The following HEMK2 variants were observed in gnomAD, a reference collection of about 807,000 sequenced individuals.
HEMK2 encodes methyltransferase HEMK2.
At chr21:28,771,439 C>A in the HEMK2 span, among the ~76,000 whole-genome samples, 1 of 151,150 alleles carries the variant, frequency 6.6e-6, no homozygotes. Context: ...TTGGTTGTCA[C>A]AACTGGGGAC....
the HEMK2 span, among the ~76,000 whole-genome samples, chr21:28,731,854 G>C: frequency 3.3e-5 from 5 of 151,842 alleles, no homozygotes; most frequent in African/African-American, 1.2e-4. Flanking sequence ...CCTGCAAGCT[G>C]TCTGGGAACT....
At chr21:28,665,567 A>C in the HEMK2 span, among the ~76,000 whole-genome samples, 1 of 151,830 alleles carries the variant, frequency 6.6e-6, no homozygotes, top group East Asian at 1.9e-4. Context: ...CATGGCAATC[A>C]TTAAAAAGTC....
chr21:28,661,636 T>G, the HEMK2 span, among the ~76,000 whole-genome samples: 1 of 152,156 alleles, frequency 6.6e-6, no homozygotes, highest in South Asian at 2.1e-4. Flanking sequence ...TTCCTGGTTC[T>G]AATGAAGTTC....
At chr21:28,662,960 C>T in the HEMK2 span, among the ~76,000 whole-genome samples, 1 of 152,112 alleles carries the variant, frequency 6.6e-6, no homozygotes, top group African/African-American at 2.4e-5. Context: ...TTAACTGCTC[C>T]CTAAGAGAAA....
At chr21:28,867,536 C>T in the HEMK2 span, among the ~76,000 whole-genome samples, 1 of 152,214 alleles carries the variant, frequency 6.6e-6, no homozygotes, top group Non-Finnish European at 1.5e-5. Flanking sequence ...CCACTTGCAA[C>T]CCAAATTAGT....
the HEMK2 span, among the ~76,000 whole-genome samples, chr21:28,805,226 A>G: frequency 3.0e-4 from 46 of 152,326 alleles, no homozygotes; most frequent in East Asian, 7.3e-3. Flanking sequence ...AAATCCCAGT[A>G]AAACTCCATT....
the HEMK2 span, among the ~76,000 whole-genome samples, chr21:28,704,922 A>C: frequency 3.9e-5 from 6 of 152,194 alleles, no homozygotes; most frequent in Non-Finnish European, 8.8e-5. Flanking sequence ...TGGCTTGGCA[A>C]ACTGCCTCAC....
chr21:28,829,222 A>G, the HEMK2 span, among the ~76,000 whole-genome samples: 2 of 152,246 alleles, frequency 1.3e-5, no homozygotes, highest in African/African-American at 4.8e-5. Context: ...GCACTTAGTC[A>G]TCTACCATTA....
the HEMK2 span, among the ~76,000 whole-genome samples, chr21:28,775,745 G>T: frequency 1.9e-3 from 297 of 152,316 alleles, 4 homozygotes; most frequent in African/African-American, 7.0e-3. Flanking sequence ...AGTTGTTTCA[G>T]TGGAGTGATG....
the HEMK2 span, among the ~76,000 whole-genome samples, chr21:28,847,742 T>C: frequency 1.3e-5 from 2 of 152,250 alleles, no homozygotes; most frequent in Non-Finnish European, 2.9e-5. Flanking sequence ...CTAGGATTTT[T>C]ATAGTTTTAG....
chr21:28,676,706 G>A, the HEMK2 span, among the ~76,000 whole-genome samples: 12 of 152,120 alleles, frequency 7.9e-5, no homozygotes, highest in Non-Finnish European at 1.6e-4. Context: ...GAGGCAGGAA[G>A]CACACTAGCG....
the HEMK2 span, among the ~76,000 whole-genome samples, chr21:28,668,956 T>C: frequency 6.6e-6 from 1 of 152,230 alleles, no homozygotes; most frequent in Admixed American, 6.5e-5. Context: ...CAGAAAGCTA[T>C]GCCTAGAGAT....
chr21:28,704,622 G>C, the HEMK2 span, among the ~76,000 whole-genome samples: 2 of 149,940 alleles, frequency 1.3e-5, no homozygotes, highest in Non-Finnish European at 3.0e-5. Context: ...GGTAGGTTTT[G>C]AATGGACACA....
the HEMK2 span, among the ~76,000 whole-genome samples, chr21:28,788,273 CAT>C: frequency 1.3e-4 from 16 of 119,092 alleles, no homozygotes; most frequent in Admixed American, 1.0e-3. Flanking sequence ...TATATTCCAT[CAT>C]ATATACACAC....
chr21:28,669,428 A>G, the HEMK2 span, among the ~76,000 whole-genome samples: 1 of 152,112 alleles, frequency 6.6e-6, no homozygotes, highest in African/African-American at 2.4e-5. Context: ...CTGTGTTTTC[A>G]TATCTTTGCC....
At chr21:28,786,667 C>CAAA in the HEMK2 span, among the ~76,000 whole-genome samples, 1 of 92,040 alleles carries the variant, frequency 1.1e-5, no homozygotes, top group South Asian at 3.7e-4. Flanking sequence ...GTGAGACTGT[C>CAAA]AAAAAAAAAA....
the HEMK2 span, among the ~76,000 whole-genome samples, chr21:28,676,358 G>T: frequency 2.6e-5 from 4 of 152,070 alleles, no homozygotes; most frequent in East Asian, 7.7e-4. Flanking sequence ...CTTGGATTAG[G>T]GCCCACAATA....
chr21:28,590,152 C>G, the HEMK2 span, among the ~76,000 whole-genome samples: 2 of 152,194 alleles, frequency 1.3e-5, no homozygotes, highest in Admixed American at 6.6e-5. Flanking sequence ...TTATTCTTTG[C>G]TCTTTGGCAT....
At chr21:28,854,578 T>C in the HEMK2 span, among the ~76,000 whole-genome samples, 5 of 151,958 alleles carry the variant, frequency 3.3e-5, no homozygotes, top group African/African-American at 1.2e-4. Context: ...AATCATAAGG[T>C]CCCACAATAC....
Sources: gnomAD v4.1 joint callset for allele counts (sites outside exome capture counted in the v4.1 genomes callset) on GRCh38, gnomAD v4.1.1 for gene constraint, MANE v1.5 for transcripts, NCBI Gene and HGNC (gene_info 2026-07-23, HGNC 2026-07-21) for gene names.